Variants in PHKA1 observed in about 807,000 individuals in gnomAD.
PHKA1 encodes the protein phosphorylase kinase regulatory subunit alpha 1.
PHKA1 carries 60 observed loss-of-function variants against 110.2 expected under a neutral mutation model. The ratio of observed to expected loss-of-function variants is 0.54; its 90% CI spans 0.44 to 0.68. The LOEUF is 0.68. Among genes scored for constraint, PHKA1 ranks in the 30% least tolerant of loss-of-function variants. The pLI, the probability that PHKA1 is intolerant of heterozygous loss-of-function variation, is 0.00. For missense variants in PHKA1, 801 were observed against 942.5 expected, an observed-to-expected ratio of 0.85 and a Z score of 1.97; for synonymous variants, 316 against 333.6, an observed-to-expected ratio of 0.95 and a Z score of 0.58.
At chrX:72,593,486 C>T (rs1242455761) in intron 28 of PHKA1, 8 of 361,297 alleles carry the variant, frequency 2.2e-5, no homozygotes, top group African/African-American at 7.9e-5. Flanking sequence ...GGACTACAGG[C>T]GCCTGCCACC....
chrX:72,659,389 T>TA (rs1300550464), intron 8 of PHKA1, among the ~76,000 whole-genome samples: 1 of 111,308 alleles, frequency 9.0e-6, no homozygotes, highest in Non-Finnish European at 1.9e-5. Flanking sequence ...CAAGGAGCCC[T>TA]AAGTCCTTTC....
chrX:72,614,290 A>T, intron 21 of PHKA1, among the ~76,000 whole-genome samples: 1 of 110,746 alleles, frequency 9.0e-6, no homozygotes, highest in Admixed American at 9.7e-5. Flanking sequence ...AACGTGAAAG[A>T]GAGAGAGAGA....
At chrX:72,600,789 G>C (rs1434545043) in intron 28 of PHKA1, among the ~76,000 whole-genome samples, 2 of 111,259 alleles carry the variant, frequency 1.8e-5, no homozygotes, top group African/African-American at 6.5e-5. Context: ...CCAGGATTTT[G>C]TGCCTGTTAA....
At chrX:72,673,337 G>A (rs907049624) in intron 6 of PHKA1, among the ~76,000 whole-genome samples, 1 of 111,871 alleles carries the variant, frequency 8.9e-6, no homozygotes, top group Non-Finnish European at 1.9e-5. Flanking sequence ...TTTAATCAGA[G>A]AAAAAGATAA....
chrX:72,708,151 G>C (rs781936712), intron 2 of PHKA1, among the ~76,000 whole-genome samples: 29 of 111,695 alleles, frequency 2.6e-4, no homozygotes, highest in South Asian at 7.5e-4. Context: ...AAACAATACT[G>C]ATTCCGAAGT....
intron 21 of PHKA1, among the ~76,000 whole-genome samples, chrX:72,617,174 G>A (rs931848671): frequency 1.8e-5 from 2 of 110,775 alleles, no homozygotes; most frequent in Admixed American, 9.6e-5. Context: ...ATAAAACAGA[G>A]ACTAAAAAAG....
chrX:72,586,810 T>A (rs1226166332), intron 29 of PHKA1, among the ~76,000 whole-genome samples: 2 of 109,285 alleles, frequency 1.8e-5, no homozygotes, highest in African/African-American at 6.7e-5. Flanking sequence ...ACCAACTCAA[T>A]CAAGCGGAAG....
chrX:72,617,765 T>C (rs2052919373), intron 21 of PHKA1, among the ~76,000 whole-genome samples: 2 of 109,462 alleles, frequency 1.8e-5, no homozygotes, highest in South Asian at 8.0e-4. Context: ...GACCAGATGG[T>C]TTCACTGCTG....
intron 3 of PHKA1, chrX:72,697,176 T>C (rs782479211): frequency 1.8e-5 from 2 of 111,213 alleles, no homozygotes; most frequent in Non-Finnish European, 1.9e-5. Context: ...GAGAGCAGTC[T>C]ACAGCCTGAG....
intron 29 of PHKA1, among the ~76,000 whole-genome samples, chrX:72,588,937 T>C (rs1409179797): frequency 9.0e-6 from 1 of 111,416 alleles, no homozygotes; most frequent in Non-Finnish European, 1.9e-5. Flanking sequence ...CAATAATTAA[T>C]AGCCTACCAA....
chrX:72,587,017 T>C (rs1556214573), intron 29 of PHKA1, among the ~76,000 whole-genome samples: 1 of 111,191 alleles, frequency 9.0e-6, no homozygotes, highest in East Asian at 2.8e-4. Flanking sequence ...TGCAGGATAC[T>C]ATCCAGGAGA....
At chrX:72,673,468 A>G (rs1452326893) in intron 6 of PHKA1, among the ~76,000 whole-genome samples, 2 of 112,058 alleles carry the variant, frequency 1.8e-5, no homozygotes, top group Non-Finnish European at 3.8e-5. Context: ...AAAAGTTTAA[A>G]TGGTAAAAAA....
At chrX:72,709,494 G>A (rs2054335455) in intron 2 of PHKA1, 1 of 108,996 alleles carries the variant, frequency 9.2e-6, no homozygotes, top group African/African-American at 3.3e-5. Context: ...TGGAAGGAAG[G>A]GTAGAAATAA....
chrX:72,661,737 T>A (rs1390204860), intron 8 of PHKA1, among the ~76,000 whole-genome samples: 2 of 79,554 alleles, frequency 2.5e-5, no homozygotes, highest in African/African-American at 5.1e-5. Flanking sequence ...GTTTGGAATG[T>A]ACTGACAAAA....
At chrX:72,635,400 C>G (rs2147733983) in intron 15 of PHKA1, 101 bp from the exon 16 acceptor site, 2 of 766,948 alleles carry the variant, frequency 2.6e-6, no homozygotes, top group East Asian at 3.5e-5. Flanking sequence ...CAAGATGTCA[C>G]AGGGCAATGA....
At chrX:72,625,083 T>C (rs2053037559) in intron 17 of PHKA1, among the ~76,000 whole-genome samples, 1 of 111,915 alleles carries the variant, frequency 8.9e-6, no homozygotes, top group Admixed American at 9.5e-5. Flanking sequence ...TTATTTCTCC[T>C]TCTACTTTAT....
At chrX:72,708,958 A>G (rs2054328458) in intron 2 of PHKA1, among the ~76,000 whole-genome samples, 1 of 111,731 alleles carries the variant, frequency 9.0e-6, no homozygotes, top group African/African-American at 3.3e-5. Flanking sequence ...GAATGGAGAC[A>G]GTAATAACAG....
At chrX:72,587,949 T>C (rs1374627191) in intron 29 of PHKA1, among the ~76,000 whole-genome samples, 5 of 111,524 alleles carry the variant, frequency 4.5e-5, no homozygotes. Context: ...CTTAGAGACC[T>C]AGAAAGAGAC....
chrX:72,604,615 A>G lies in PHKA1; in HGVS notation c.2815+656T>C, dbSNP rs143179164. ...TTTACAACTTTGATTTTATTTTTCT[A>G]TGCCATCCCTATCTGTATTATTTTG... On this transcript the variant is annotated intron_variant, in intron 25 of 31. Coordinates refer to ENST00000373542, the MANE Select transcript of PHKA1 (RefSeq NM_002637.4). Among the ~76,000 whole-genome samples the G allele has an allele frequency of 3.2e-3, 357 of 111,615 alleles. 1 individual carries two copies. Among genetic ancestry groups the G allele is most frequent in the African/African-American group, 0.011 (345 of 30,737 alleles).
Sources: allele counts gnomAD v4.1 joint callset (sites outside exome capture counted in the v4.1 genomes callset), GRCh38; gene constraint gnomAD v4.1.1; transcripts MANE v1.5; gene names NCBI Gene and HGNC (gene_info 2026-07-23, HGNC 2026-07-21).